The following ATP10B variants were observed in gnomAD, a reference collection of about 807,000 sequenced individuals.
The protein encoded by ATP10B is ATPase phospholipid transporting 10B (putative).
ATP10B carries 122 observed loss-of-function variants against 141.2 expected under a neutral mutation model. The observed-to-expected ratio is 0.86, with a 90% CI of 0.75 to 1.00. The LOEUF (loss-of-function observed/expected upper bound fraction) is 1.00. Among genes scored for constraint, ATP10B ranks in the 50% least tolerant of loss-of-function variants. The pLI is 0.00. For missense variants in ATP10B, 1,876 were observed against 1,825.3 expected (o/e 1.03, Z -0.51); for synonymous variants, 685 against 692.0 (o/e 0.99, Z 0.16).
chr5:160,880,206 T>C, the ATP10B span, among the ~76,000 whole-genome samples: 1 of 97,812 alleles, frequency 1.0e-5, no homozygotes, highest in African/African-American at 3.3e-5. Flanking sequence ...ATAGATTATA[T>C]AATATATAAA....
chr5:160,719,741 A>G (rs1335237655), intron 2 of ATP10B, among the ~76,000 whole-genome samples: 2 of 152,244 alleles, frequency 1.3e-5, no homozygotes, highest in Non-Finnish European at 2.9e-5. Context: ...TCTATGTGCC[A>G]GGTGCTGTTG....
chr5:160,868,521 TACAC>T, the ATP10B span, among the ~76,000 whole-genome samples: 12,945 of 130,240 alleles, frequency 0.099, 576 homozygotes, highest in Middle Eastern at 0.15. Flanking sequence ...TATGAACAGA[TACAC>T]ACACACACAC....
the ATP10B span, among the ~76,000 whole-genome samples, chr5:160,915,027 C>T: frequency 6.6e-6 from 1 of 152,120 alleles, no homozygotes; most frequent in Non-Finnish European, 1.5e-5. Flanking sequence ...TTTATAAAGA[C>T]CATAGTGCCT....
At chr5:160,889,767 C>A in the ATP10B span, among the ~76,000 whole-genome samples, 2 of 152,172 alleles carry the variant, frequency 1.3e-5, no homozygotes, top group African/African-American at 4.8e-5. Context: ...GAACCAAAAT[C>A]CTGAATAGGC....
intron 13 of ATP10B, among the ~76,000 whole-genome samples, chr5:160,624,333 G>A (rs1221467495): frequency 6.6e-6 from 1 of 152,144 alleles, no homozygotes; most frequent in Non-Finnish European, 1.5e-5. Flanking sequence ...AGGAAACTCA[G>A]ACATACCCCA....
At chr5:160,852,382 C>T (rs571293332), upstream of ATP10B, among the ~76,000 whole-genome samples, 5 of 152,134 alleles carry the variant, frequency 3.3e-5, no homozygotes, top group African/African-American at 4.8e-5. Flanking sequence ...TTATTCTCTA[C>T]GCATGGTACA....
Position 160,620,875 on chromosome 5 carries a change from G to GCTT in ATP10B, c.1885_1887dup (p.Lys629dup). On this transcript the variant is annotated inframe_insertion, in exon 15 of 26. Transcript: ENST00000327245. ...GAGAATGACTGGCTGAGGCTCAATA[G>GCTT]CTTCAACTTCTGGAAGAGCTGCTGA... The GCTT allele has an allele frequency of 6.2e-7, 1 of 1,614,206 alleles. No individual in the cohort carries two copies. The highest frequency in any genetic ancestry group is 1.1e-5 in the South Asian group (1 of 91,092).
At chr5:160,828,035 C>T (rs1199413883) in intron 1 of ATP10B, among the ~76,000 whole-genome samples, 1 of 152,132 alleles carries the variant, frequency 6.6e-6, no homozygotes, top group Admixed American at 6.6e-5. Context: ...GGATCCCTTC[C>T]TTACACCTTA....
At chr5:160,634,216 G>A (rs773696296) in intron 12 of ATP10B, 138 bp downstream of exon 12, 6 of 1,174,078 alleles carry the variant, frequency 5.1e-6, no homozygotes, top group Admixed American at 1.7e-5. Context: ...GAAGACCACA[G>A]GGATACAGGA....
intron 16 of ATP10B, among the ~76,000 whole-genome samples, chr5:160,616,577 G>T (rs1181156665): frequency 1.3e-5 from 2 of 152,216 alleles, no homozygotes; most frequent in Non-Finnish European, 2.9e-5. Context: ...TACACATGGA[G>T]TGCCCAGTAG....
chr5:160,767,637 C>G (rs907465669), intron 2 of ATP10B, among the ~76,000 whole-genome samples: 2 of 102,036 alleles, frequency 2.0e-5, no homozygotes, highest in Non-Finnish European at 4.0e-5. Flanking sequence ...TGTGCAGAAC[C>G]CCCCCCCCCA....
At chr5:160,670,889 G>A (rs186768086) in intron 6 of ATP10B, among the ~76,000 whole-genome samples, 49 of 152,006 alleles carry the variant, frequency 3.2e-4, no homozygotes, top group African/African-American at 1.0e-3. Flanking sequence ...GTCTTTGGCC[G>A]GGTGTGGTGG....
intron 3 of ATP10B, among the ~76,000 whole-genome samples, chr5:160,694,580 A>G (rs1348190056): frequency 6.6e-6 from 1 of 152,116 alleles, no homozygotes; most frequent in Non-Finnish European, 1.5e-5. Context: ...CTCTCTCCCA[A>G]ACTTTCTCCA....
Position 160,632,169 on chromosome 5 carries a change from CG to C in ATP10B, c.1579del (p.Arg527ValfsTer14). 6.2e-7 allele frequency: 1 copy of C among 1,614,116 alleles called. No homozygotes were observed. The highest frequency in any genetic ancestry group is 8.5e-7 in the Non-Finnish European group (1 of 1,179,962). On this transcript the variant is annotated frameshift_variant, in exon 13 of 26. Transcript: ENST00000327245. LOFTEE classifies it high-confidence loss of function. ...GGCCACAGGAGGCTGTGAGCTTTCA[CG>C]GTGCCCCATAGACCTTTGCCGGTAG... ...GHYRQRSMGH[R>X]ESSQPPVAFS... is the part of the protein sequence containing the mutation.
In ATP10B at chr5:160,652,926, ATTATATATACATGTATATATAATATAT is replaced by A. The variant is rs1461946602; in HGVS notation, c.676-3697_676-3671del. ...TTATATATACATGTATATATAATAT[ATTATATATACATGTATATATAATATAT>A]TATATATACATGTATATATAATATA... On this transcript the variant is annotated intron_variant, in intron 7 of 25. Transcript: ENST00000327245. 2.4e-4 allele frequency among the ~76,000 whole-genome samples: 20 copies of A among 81,820 alleles called. 1 individual carries two copies. The East Asian group carries it at 5.8e-3, about 24-fold the overall frequency. The allele number at this position is 81,820 out of a possible 152,430, so 53.7% of individuals were successfully genotyped here. A position where few individuals can be genotyped will look rare whatever the true frequency, so the allele number is the denominator to read the frequency against.
chr5:160,599,230 C>T (rs1756937375), intron 21 of ATP10B, among the ~76,000 whole-genome samples: 1 of 152,186 alleles, frequency 6.6e-6, no homozygotes, highest in Non-Finnish European at 1.5e-5. Context: ...TAAGTCTTCA[C>T]TTAACATTGC....
intron 9 of ATP10B, among the ~76,000 whole-genome samples, chr5:160,641,985 A>C (rs1170481332): frequency 1.3e-5 from 2 of 152,144 alleles, no homozygotes; most frequent in Non-Finnish European, 2.9e-5. Context: ...GCCTCACTCC[A>C]TTCAGGGATC....
chr5:160,652,925 T>C (rs1440900400), intron 7 of ATP10B, among the ~76,000 whole-genome samples: 1 of 81,670 alleles, frequency 1.2e-5, no homozygotes, highest in Non-Finnish European at 2.1e-5. Context: ...ATATATAATA[T>C]ATTATATATA....
chr5:160,609,381 ATTT>A (rs11341335), intron 18 of ATP10B, among the ~76,000 whole-genome samples: 8 of 143,166 alleles, frequency 5.6e-5, no homozygotes, highest in Non-Finnish European at 6.1e-5. Context: ...GCCATAACTT[ATTT>A]TTTTTTTTTT....
Sources: gnomAD v4.1 joint callset for allele counts (sites outside exome capture counted in the v4.1 genomes callset) on GRCh38, gnomAD v4.1.1 for gene constraint, MANE v1.5 for transcripts, NCBI Gene and HGNC (gene_info 2026-07-23, HGNC 2026-07-21) for gene names.